The following ARK2C variants were observed in gnomAD, a reference collection of about 807,000 sequenced individuals.
The protein encoded by ARK2C is E3 ubiquitin-protein ligase ARK2C.
chr18:46,432,709 G>A, the ARK2C span, among the ~76,000 whole-genome samples: 1 of 152,230 alleles, frequency 6.6e-6, no homozygotes, highest in Non-Finnish European at 1.5e-5. Context: ...TGTAATCCCA[G>A]CACTTTGGGA....
the ARK2C span, among the ~76,000 whole-genome samples, chr18:46,371,394 G>A: frequency 6.6e-5 from 10 of 152,308 alleles, no homozygotes; most frequent in Middle Eastern, 3.4e-3. Flanking sequence ...CCAGCGAGGA[G>A]GCTCTGACAA....
chr18:46,344,790 C>A, the ARK2C span, among the ~76,000 whole-genome samples: 1 of 152,220 alleles, frequency 6.6e-6, no homozygotes, highest in African/African-American at 2.4e-5. Context: ...CTGGTCCTCG[C>A]ATGGCCCAGA....
At chr18:46,368,437 G>C in the ARK2C span, among the ~76,000 whole-genome samples, 6 of 152,194 alleles carry the variant, frequency 3.9e-5, no homozygotes, top group African/African-American at 1.2e-4. Context: ...CTGGTCATGA[G>C]ATAGAAGAGC....
chr18:46,435,394 C>T, the ARK2C span: 9 of 1,610,778 alleles, frequency 5.6e-6, no homozygotes, highest in Non-Finnish European at 7.6e-6. Context: ...AGGGCACTGA[C>T]TGGTGAGTCT....
At chr18:46,453,394 C>A in the ARK2C span, among the ~76,000 whole-genome samples, 1 of 152,142 alleles carries the variant, frequency 6.6e-6, no homozygotes, top group Admixed American at 6.5e-5. Flanking sequence ...AGGATGCACG[C>A]CTCACCTGCT....
the ARK2C span, among the ~76,000 whole-genome samples, chr18:46,431,772 A>C: frequency 6.6e-6 from 1 of 152,180 alleles, no homozygotes; most frequent in Non-Finnish European, 1.5e-5. Flanking sequence ...TGCTCCTTAC[A>C]CAGATTGCAA....
chr18:46,386,714 G>C, the ARK2C span: 1 of 152,240 alleles, frequency 6.6e-6, no homozygotes, highest in Non-Finnish European at 1.5e-5. Flanking sequence ...CCTTTCAGTG[G>C]AGATTCTCTT....
chr18:46,421,935 A>G, the ARK2C span, among the ~76,000 whole-genome samples: 2 of 152,202 alleles, frequency 1.3e-5, no homozygotes, highest in Admixed American at 1.3e-4. Context: ...CTTTGGGCAT[A>G]TCACTTTCTT....
chr18:46,365,947 C>T, the ARK2C span, among the ~76,000 whole-genome samples: 1 of 152,112 alleles, frequency 6.6e-6, no homozygotes, highest in Non-Finnish European at 1.5e-5. Flanking sequence ...AAGGAAAAGT[C>T]ACATCTTGTG....
the ARK2C span, among the ~76,000 whole-genome samples, chr18:46,400,039 G>C: frequency 6.6e-6 from 1 of 152,192 alleles, no homozygotes; most frequent in Non-Finnish European, 1.5e-5. Flanking sequence ...GGGCCCCTGG[G>C]GTGCTGGGCA....
the ARK2C span, among the ~76,000 whole-genome samples, chr18:46,416,211 C>T: frequency 6.6e-6 from 1 of 152,174 alleles, no homozygotes; most frequent in Non-Finnish European, 1.5e-5. Context: ...TGCAGGAAAG[C>T]TCTAGGAAGT....
At chr18:46,382,248 G>A in the ARK2C span, among the ~76,000 whole-genome samples, 45 of 152,266 alleles carry the variant, frequency 3.0e-4, no homozygotes, top group African/African-American at 1.1e-3. Context: ...TGGAGGCAGG[G>A]GTTGCTTAGA....
chr18:46,360,462 A>G, the ARK2C span, among the ~76,000 whole-genome samples: 3 of 152,190 alleles, frequency 2.0e-5, no homozygotes, highest in African/African-American at 4.8e-5. Flanking sequence ...GGAAAATGCA[A>G]TTGGAATTCC....
At chr18:46,382,714 G>A in the ARK2C span, among the ~76,000 whole-genome samples, 1 of 152,162 alleles carries the variant, frequency 6.6e-6, no homozygotes, top group South Asian at 2.1e-4. Flanking sequence ...TCCTCTGTGT[G>A]CAGGGAAAGA....
the ARK2C span, among the ~76,000 whole-genome samples, chr18:46,372,341 C>T: frequency 6.6e-6 from 1 of 152,212 alleles, no homozygotes; most frequent in Non-Finnish European, 1.5e-5. Context: ...TCACTTCGCT[C>T]TTCCTGCCTC....
chr18:46,409,025 T>C, the ARK2C span, among the ~76,000 whole-genome samples: 1 of 152,158 alleles, frequency 6.6e-6, no homozygotes, highest in East Asian at 1.9e-4. Context: ...CACTCAGTGG[T>C]TAAGTGGAGA....
the ARK2C span, among the ~76,000 whole-genome samples, chr18:46,400,477 C>A: frequency 1.3e-5 from 2 of 152,162 alleles, no homozygotes; most frequent in Admixed American, 6.5e-5. Flanking sequence ...CCAGTGGGGA[C>A]CCTCAGTCTG....
chr18:46,368,215 A>G, the ARK2C span, among the ~76,000 whole-genome samples: 2 of 152,202 alleles, frequency 1.3e-5, no homozygotes, highest in African/African-American at 4.8e-5. Flanking sequence ...GAAGTTCACT[A>G]AATGCATTCA....
chr18:46,357,367 G>A, the ARK2C span, among the ~76,000 whole-genome samples: 1 of 152,180 alleles, frequency 6.6e-6, no homozygotes, highest in Non-Finnish European at 1.5e-5. Context: ...AGAATCTAGT[G>A]GAGGTAACTG....
Sources: gnomAD v4.1 joint callset for allele counts (sites outside exome capture counted in the v4.1 genomes callset) on GRCh38, gnomAD v4.1.1 for gene constraint, MANE v1.5 for transcripts, NCBI Gene and HGNC (gene_info 2026-07-23, HGNC 2026-07-21) for gene names.